Variants in GALNTL6 observed in about 807,000 individuals in gnomAD.
The protein encoded by GALNTL6 is polypeptide N-acetylgalactosaminyltransferase like 6, also known as polypeptide N-acetylgalactosaminyltransferase-like 6.
Under a neutral mutation model 73.7 loss-of-function variants are expected in GALNTL6, and 46 were observed. The observed-to-expected ratio is 0.62, with a 90% confidence interval of 0.49 to 0.80. The LOEUF (loss-of-function observed/expected upper bound fraction) is 0.80, where lower values mean the gene tolerates loss of function less well. Among genes scored for constraint, GALNTL6 ranks in the 30% least tolerant of loss-of-function variants. The probability of loss-of-function intolerance (pLI) is 0.00; values close to 1 mark genes in which losing one functional copy is unlikely to be tolerated. For synonymous variants in GALNTL6, 259 were observed against 263.7 expected, an observed-to-expected ratio of 0.98 and a Z score of 0.17; for missense variants, 604 against 755.0, an observed-to-expected ratio of 0.80 and a Z score of 2.34.
chr4:171,884,422 GTTA>G lies in GALNTL6; in HGVS notation c.138+69709_138+69711del, dbSNP rs1237195744. On this transcript the variant is annotated intron_variant, in intron 2 of 12. Transcript: ENST00000506823. ...AATGTAGTAGATAATATTAGATACT[GTTA>G]TTATCATCTTAGAGAAAACAGGCAC... is the stretch of plus-strand genomic sequence containing the variant. 2.0e-5 allele frequency among the ~76,000 whole-genome samples: 3 copies of G among 152,122 alleles called. No homozygotes were observed. In the East Asian group the frequency reaches 5.8e-4, roughly 29 times the overall value.
chr4:172,449,285 T>C lies in GALNTL6; in HGVS notation c.553+100596T>C, dbSNP rs192190652. ...CATGTACTAAACATGTCTTAGACCA[T>C]CTAATTAAAAGATATTTAAGTATCC... On this transcript the variant is annotated intron_variant, in intron 5 of 12. Coordinates refer to ENST00000506823, the MANE Select transcript of GALNTL6 (RefSeq NM_001034845.3). 8.1e-4 allele frequency among the ~76,000 whole-genome samples: 123 copies of C among 152,290 alleles called. 2 individuals carry two copies. In the South Asian group the frequency reaches 0.016, roughly 20 times the overall value.
At chr4:172,266,873 G>A (rs553055186) in intron 3 of GALNTL6, among the ~76,000 whole-genome samples, 15 of 152,124 alleles carry the variant, frequency 9.9e-5, no homozygotes, top group Admixed American at 8.5e-4. Context: ...CTCATCAACT[G>A]AGTCAGCAAT....
chr4:171,817,153 T>C (rs182721258), intron 2 of GALNTL6, among the ~76,000 whole-genome samples: 1 of 152,090 alleles, frequency 6.6e-6, no homozygotes, highest in Non-Finnish European at 1.5e-5. Context: ...AATGTGCAGA[T>C]CAAAGCACTG....
At chr4:172,912,689 G>T (rs1747276519) in intron 8 of GALNTL6, among the ~76,000 whole-genome samples, 1 of 152,208 alleles carries the variant, frequency 6.6e-6, no homozygotes, top group Non-Finnish European at 1.5e-5. Context: ...CATTGCTGAG[G>T]CTTGACTAGG....
chr4:172,050,195 C>A (rs1487497233), intron 2 of GALNTL6, among the ~76,000 whole-genome samples: 1 of 152,066 alleles, frequency 6.6e-6, no homozygotes, highest in Non-Finnish European at 1.5e-5. Context: ...GCTCACCGGG[C>A]CAAGGTTTGC....
chr4:172,686,256 C>CA (rs1732909503), intron 5 of GALNTL6, among the ~76,000 whole-genome samples: 1 of 152,100 alleles, frequency 6.6e-6, no homozygotes, highest in Admixed American at 6.5e-5. Flanking sequence ...CATCCTCTAT[C>CA]ATCTCTCCTT....
chr4:171,827,884 T>G (rs1019743658), intron 2 of GALNTL6, among the ~76,000 whole-genome samples: 3 of 148,324 alleles, frequency 2.0e-5, no homozygotes, highest in African/African-American at 7.9e-5. Flanking sequence ...TACATTGGAA[T>G]TTTTTTGGAG....
chr4:171,832,230 T>C (rs1734994412), intron 2 of GALNTL6, among the ~76,000 whole-genome samples: 2 of 151,474 alleles, frequency 1.3e-5, no homozygotes, highest in African/African-American at 4.8e-5. Context: ...GTCAAATATT[T>C]GCCACCAATA....
intron 5 of GALNTL6, among the ~76,000 whole-genome samples, chr4:172,487,299 T>C (rs758185929): frequency 1.2e-5 from 1 of 83,672 alleles, no homozygotes; most frequent in Non-Finnish European, 2.5e-5. Flanking sequence ...TCTTTCCTTC[T>C]GTCTTTCTTT....
intron 5 of GALNTL6, among the ~76,000 whole-genome samples, chr4:172,741,971 C>T (rs12651057): frequency 0.15 from 22,167 of 151,246 alleles, 1,897 homozygotes; most frequent in East Asian, 0.26. Flanking sequence ...AAAATAAGAA[C>T]GAATAAAAAT....
At chr4:172,163,884 G>T (rs1472160582) in intron 2 of GALNTL6, among the ~76,000 whole-genome samples, 1 of 151,800 alleles carries the variant, frequency 6.6e-6, no homozygotes, top group African/African-American at 2.4e-5. Context: ...AAAACATAGG[G>T]TATAAATTAG....
chr4:172,291,560 A>C (rs1739472038), intron 3 of GALNTL6, among the ~76,000 whole-genome samples: 1 of 152,122 alleles, frequency 6.6e-6, no homozygotes, highest in African/African-American at 2.4e-5. Flanking sequence ...ATGTAGATTT[A>C]GTTTTTCAAA....
At chr4:171,839,066 A>AT (rs750614799) in intron 2 of GALNTL6, among the ~76,000 whole-genome samples, 364 of 147,910 alleles carry the variant, frequency 2.5e-3, no homozygotes, top group Non-Finnish European at 4.0e-3. Flanking sequence ...AAGTCCAGAG[A>AT]TTTTTTTTTT....
At chr4:171,898,784 G>C (rs912435509) in intron 2 of GALNTL6, among the ~76,000 whole-genome samples, 1 of 151,918 alleles carries the variant, frequency 6.6e-6, no homozygotes, top group Non-Finnish European at 1.5e-5. Flanking sequence ...TTGATACTTT[G>C]TGTTCATAGT....
intron 5 of GALNTL6, among the ~76,000 whole-genome samples, chr4:172,646,748 T>C (rs982841275): frequency 3.3e-5 from 5 of 152,068 alleles, no homozygotes; most frequent in African/African-American, 1.2e-4. Flanking sequence ...CTTAAAATCG[T>C]TCTTCAAGTA....
chr4:172,854,579 C>T (rs1744026190), intron 7 of GALNTL6, among the ~76,000 whole-genome samples: 1 of 152,070 alleles, frequency 6.6e-6, no homozygotes, highest in African/African-American at 2.4e-5. Flanking sequence ...ATCAGAATAG[C>T]CTAAATTTTC....
intron 2 of GALNTL6, among the ~76,000 whole-genome samples, chr4:172,053,855 T>C (rs1483286879): frequency 6.6e-6 from 1 of 152,164 alleles, no homozygotes; most frequent in Admixed American, 6.6e-5. Flanking sequence ...TTAAATTTTA[T>C]CTTTTGAAGT....
intron 3 of GALNTL6, among the ~76,000 whole-genome samples, chr4:172,276,723 A>T (rs1738844646): frequency 6.6e-6 from 1 of 152,146 alleles, no homozygotes; most frequent in Non-Finnish European, 1.5e-5. Context: ...TGCTGATTTT[A>T]AAACAAAATT....
chr4:171,990,799 G>A (rs969072236), intron 2 of GALNTL6, among the ~76,000 whole-genome samples: 2 of 152,158 alleles, frequency 1.3e-5, no homozygotes, highest in African/African-American at 4.8e-5. Flanking sequence ...AATAGAATTT[G>A]ATAAAGCTGA....
Sources: allele counts gnomAD v4.1 joint callset (sites outside exome capture counted in the v4.1 genomes callset), GRCh38; gene constraint gnomAD v4.1.1; transcripts MANE v1.5; gene names NCBI Gene and HGNC (gene_info 2026-07-23, HGNC 2026-07-21).